Variants in ITFG1 observed in about 807,000 individuals in gnomAD.
The protein encoded by ITFG1 is integrin alpha FG-GAP repeat containing 1.
ITFG1 carries 34 observed loss-of-function variants against 81.8 expected under a neutral mutation model. The observed-to-expected ratio is 0.42, with a 90% confidence interval of 0.32 to 0.55. ITFG1 has a LOEUF of 0.55. ITFG1 is among the 20% of genes least tolerant of loss of function. ITFG1 has a pLI of 0.17. For missense variants in ITFG1, 672 were observed against 755.4 expected (o/e 0.89, Z 1.29); for synonymous variants, 285 against 270.6 (o/e 1.05, Z -0.52).
chr16:47,433,681 T>C (rs1408090598), intron 5 of ITFG1, among the ~76,000 whole-genome samples: 1 of 151,232 alleles, frequency 6.6e-6, no homozygotes, highest in East Asian at 1.9e-4. Flanking sequence ...ACGGTGTCTA[T>C]TTACTGTTCT....
intron 6 of ITFG1, among the ~76,000 whole-genome samples, chr16:47,413,930 C>T (rs1968842049): frequency 6.6e-6 from 1 of 151,966 alleles, no homozygotes; most frequent in Non-Finnish European, 1.5e-5. Context: ...AAGTGATTCT[C>T]CTGCCTCAGC....
intron 8 of ITFG1, among the ~76,000 whole-genome samples, chr16:47,325,418 G>A (rs1967520817): frequency 1.3e-5 from 2 of 152,222 alleles, no homozygotes; most frequent in African/African-American, 4.8e-5. Context: ...AAAAGAACTA[G>A]AGAAGCAAAG....
At chr16:47,421,672 A>C (rs1968951504) in intron 6 of ITFG1, among the ~76,000 whole-genome samples, 1 of 152,108 alleles carries the variant, frequency 6.6e-6, no homozygotes, top group Non-Finnish European at 1.5e-5. Flanking sequence ...ATAGGTGATT[A>C]ATTATTCCTT....
At chr16:47,295,269 C>G (rs1263841798) in intron 10 of ITFG1, among the ~76,000 whole-genome samples, 1 of 152,114 alleles carries the variant, frequency 6.6e-6, no homozygotes, top group East Asian at 1.9e-4. Flanking sequence ...ACCAGATTTT[C>G]TCTTTTTGTT....
At chr16:47,432,896 G>T (rs8046425) in intron 5 of ITFG1, among the ~76,000 whole-genome samples, 7,995 of 152,258 alleles carry the variant, frequency 0.053, 267 homozygotes, top group Middle Eastern at 0.088. Context: ...TTGGGTTAAA[G>T]ATTCTCTGAC....
intron 5 of ITFG1, among the ~76,000 whole-genome samples, chr16:47,440,263 A>G (rs1190102138): frequency 1.3e-5 from 2 of 152,222 alleles, no homozygotes; most frequent in African/African-American, 4.8e-5. Context: ...CACTGTAAAC[A>G]TTAGACAGAT....
intron 14 of ITFG1, among the ~76,000 whole-genome samples, chr16:47,181,385 C>G (rs532574529): frequency 1.4e-5 from 2 of 146,356 alleles, no homozygotes; most frequent in Admixed American, 1.3e-4. Flanking sequence ...CCAGCCACCC[C>G]GTCCGGCAGG....
In ITFG1 at chr16:47,208,895, G is replaced by A. The variant is rs138515117; in HGVS notation, c.1453+9973C>T. On this transcript the variant is annotated intron_variant, in intron 14 of 17. Coordinates refer to ENST00000320640, the MANE Select transcript of ITFG1 (RefSeq NM_030790.5). The stretch of plus-strand genomic sequence containing the variant: ...CCTTCCATGAGTACAATGCAGGGAG[G>A]GGAGAGGAGGGAAGTGAGGGTATCT... 2.8e-3 allele frequency among the ~76,000 whole-genome samples: 430 copies of A among 152,292 alleles called. 4 individuals carry two copies. The highest frequency in any genetic ancestry group is 7.8e-3 in the Admixed American group (120 of 15,296).
intron 10 of ITFG1, among the ~76,000 whole-genome samples, chr16:47,296,687 C>T (rs764067937): frequency 4.6e-5 from 7 of 152,186 alleles, no homozygotes; most frequent in African/African-American, 9.7e-5. Context: ...CCACTGGCCT[C>T]GGTCTCCCAA....
intron 13 of ITFG1, among the ~76,000 whole-genome samples, chr16:47,219,891 T>C (rs910505152): frequency 6.6e-6 from 1 of 152,232 alleles, no homozygotes; most frequent in Admixed American, 6.5e-5. Flanking sequence ...ACATTACTAA[T>C]TGATTAAATG....
At position 47,192,824 on chromosome 16, in the gene ITFG1, C is replaced by T. The variant is rs1264248635; in HGVS notation, c.1453+26044G>A. Among the ~76,000 whole-genome samples the T allele has an allele frequency of 2.0e-5, 3 of 152,174 alleles. No individual in the cohort carries two copies. The East Asian group carries it at 5.8e-4, about 29-fold the overall frequency. ...ACACACAGAAACACAAGGGCATTTT[C>T]CCCTCAGCTTTTGACCCTGAGAACT... is the stretch of plus-strand genomic sequence containing the variant. On this transcript the variant is annotated intron_variant, in intron 14 of 17. Transcript: ENST00000320640.
Position 47,313,743 on chromosome 16 carries a change from A to C in ITFG1, c.883T>G (p.Ser295Ala), listed in dbSNP as rs1243249533. The change falls in exon 9 of 18, where the codon TCT becomes GCT. Residue 295 changes from serine to alanine, a missense_variant. Coordinates refer to ENST00000320640, the MANE Select transcript of ITFG1 (RefSeq NM_030790.5). Reference sequence around the variant, plus strand: ...ACTTGATATACCTGCTTCATCCCAGATCTCACTAAGTAGATGGTACTCTTT... The same window carrying C: ...ACTTGATATACCTGCTTCATCCCAGCTCTCACTAAGTAGATGGTACTCTTT... ...CQKSTIYLVR[S>A]GMKQWVPVLQ... 1 of 1,585,678 alleles carries C rather than the reference A, an allele frequency of 6.3e-7. No homozygotes were observed. The highest frequency in any genetic ancestry group is 1.7e-5 in the Admixed American group (1 of 58,108).
chr16:47,379,993 T>C (rs1374780443), intron 6 of ITFG1, among the ~76,000 whole-genome samples: 1 of 145,090 alleles, frequency 6.9e-6, no homozygotes, highest in South Asian at 2.1e-4. Context: ...AGGCTGAACA[T>C]GATTGATCTG....
intron 5 of ITFG1, among the ~76,000 whole-genome samples, chr16:47,445,827 G>A (rs1969317761): frequency 6.6e-6 from 1 of 152,122 alleles, no homozygotes; most frequent in African/African-American, 2.4e-5. Flanking sequence ...AGAGAGAGGT[G>A]GAGGCCATAT....
intron 14 of ITFG1, among the ~76,000 whole-genome samples, chr16:47,207,839 GT>G: frequency 7.3e-6 from 1 of 136,518 alleles, no homozygotes; most frequent in East Asian, 2.3e-4. Flanking sequence ...ACATTATCTG[GT>G]TTGTTCAACA....
intron 6 of ITFG1, among the ~76,000 whole-genome samples, chr16:47,412,567 G>A (rs1038765966): frequency 1.3e-5 from 2 of 151,924 alleles, no homozygotes; most frequent in Admixed American, 6.6e-5. Context: ...GGTGGTGTGT[G>A]CCTGTGGTCC....
chr16:47,441,934 T>C (rs1449252777), intron 5 of ITFG1, among the ~76,000 whole-genome samples: 1 of 152,186 alleles, frequency 6.6e-6, no homozygotes, highest in Admixed American at 6.5e-5. Context: ...GAAAACCCCA[T>C]CGTCTCAGCA....
intron 13 of ITFG1, among the ~76,000 whole-genome samples, chr16:47,234,131 A>G (rs1447189747): frequency 6.6e-6 from 1 of 152,202 alleles, no homozygotes; most frequent in Non-Finnish European, 1.5e-5. Flanking sequence ...GACAAAACAA[A>G]ACAAAATGTC....
intron 10 of ITFG1, among the ~76,000 whole-genome samples, chr16:47,264,589 CACAGAG>C (rs1463353230): frequency 1.4e-5 from 2 of 144,432 alleles, no homozygotes; most frequent in African/African-American, 5.1e-5. Flanking sequence ...CACACACACA[CACAGAG>C]ATAGAGAGAA....
Sources: allele counts gnomAD v4.1 joint callset (sites outside exome capture counted in the v4.1 genomes callset), GRCh38; gene constraint gnomAD v4.1.1; transcripts MANE v1.5; gene names NCBI Gene and HGNC (gene_info 2026-07-23, HGNC 2026-07-21).